Variants in ZFPM1 observed in about 807,000 individuals in gnomAD.
ZFPM1 encodes the protein zinc finger protein, FOG family member 1.
Under a neutral mutation model 46.3 loss-of-function variants are expected in ZFPM1, and 28 were observed. That is an observed-to-expected ratio of 0.60 (90% CI 0.45 to 0.83). The LOEUF is 0.83. Among genes scored for constraint, ZFPM1 ranks in the 40% least tolerant of loss-of-function variants. The probability of loss-of-function intolerance (pLI) is 0.00; values close to 1 mark genes in which losing one functional copy is unlikely to be tolerated. For missense variants in ZFPM1, 1,878 were observed against 1,432.4 expected, an observed-to-expected ratio of 1.31 and a Z score of -5.02; for synonymous variants, 957 against 675.9, an observed-to-expected ratio of 1.42 and a Z score of -6.45.
intron 4 of ZFPM1, among the ~76,000 whole-genome samples, chr16:88,515,098 T>C (rs945124546): frequency 2.6e-5 from 4 of 152,230 alleles, no homozygotes; most frequent in African/African-American, 4.8e-5. Flanking sequence ...CTCCAACTTA[T>C]GACAAGTCAG....
chr16:88,501,486 G>A (rs71372768), intron 3 of ZFPM1, among the ~76,000 whole-genome samples: 4 of 131,108 alleles, frequency 3.1e-5, no homozygotes, highest in South Asian at 2.4e-4. Context: ...ACATGGGTGC[G>A]TGGGCCCTCC....
At chr16:88,532,270 G>A in intron 7 of ZFPM1, 35 bp downstream of exon 7, 2 of 1,545,508 alleles carry the variant, frequency 1.3e-6, no homozygotes, top group South Asian at 1.2e-5. Flanking sequence ...TCCTCAGGAT[G>A]CCGGCTGCTT....
At chr16:88,505,085 G>A (rs369695230) in intron 3 of ZFPM1, among the ~76,000 whole-genome samples, 1 of 152,272 alleles carries the variant, frequency 6.6e-6, no homozygotes, top group Non-Finnish European at 1.5e-5. Flanking sequence ...GCGATAGGAA[G>A]ACAAGTTCAC....
At chr16:88,527,069 G>C (rs376862888) in intron 5 of ZFPM1, among the ~76,000 whole-genome samples, 153 bp downstream of exon 5, 1 of 152,196 alleles carries the variant, frequency 6.6e-6, no homozygotes. Flanking sequence ...GCATGAGGCA[G>C]ACACTCTACT....
chr16:88,494,553 CAG>C (rs1199922584), intron 3 of ZFPM1, among the ~76,000 whole-genome samples: 3 of 152,160 alleles, frequency 2.0e-5, no homozygotes, highest in Non-Finnish European at 1.5e-5. Flanking sequence ...GAGGGGGAAA[CAG>C]GGAGGGGGCT....
chr16:88,505,870 G>A (rs957854329), intron 3 of ZFPM1, among the ~76,000 whole-genome samples: 1 of 152,132 alleles, frequency 6.6e-6, no homozygotes, highest in African/African-American at 2.4e-5. Context: ...GCCGCCGGCA[G>A]GGCCCCCCCA....
At chr16:88,510,551 G>A (rs1175138983) in intron 3 of ZFPM1, among the ~76,000 whole-genome samples, 1 of 152,232 alleles carries the variant, frequency 6.6e-6, no homozygotes, top group Non-Finnish European at 1.5e-5. Context: ...TTCTGGAAAT[G>A]GCGTGTGCAG....
chr16:88,496,046 G>A (rs1909913190), intron 3 of ZFPM1, among the ~76,000 whole-genome samples: 1 of 152,116 alleles, frequency 6.6e-6, no homozygotes. Flanking sequence ...TGGCCCCACG[G>A]CCATCCTTGG....
chr16:88,482,751 G>A (rs950749902), intron 1 of ZFPM1, among the ~76,000 whole-genome samples: 2 of 152,228 alleles, frequency 1.3e-5, no homozygotes, highest in Non-Finnish European at 2.9e-5. Context: ...CTCAGCAGGA[G>A]GAAGCACAGC....
intron 1 of ZFPM1, among the ~76,000 whole-genome samples, chr16:88,484,076 C>G (rs956002349): frequency 2.0e-5 from 3 of 152,244 alleles, no homozygotes; most frequent in African/African-American, 7.2e-5. Context: ...AGCCCATCTC[C>G]CTCCCATCTT....
At chr16:88,513,639 T>G (rs1223935867) in intron 3 of ZFPM1, among the ~76,000 whole-genome samples, 1 of 152,198 alleles carries the variant, frequency 6.6e-6, no homozygotes, top group Non-Finnish European at 1.5e-5. Context: ...GAGGGCCAGG[T>G]GTGGCCAGGT....
chr16:88,455,583 C>T (rs1036185785), intron 1 of ZFPM1, among the ~76,000 whole-genome samples: 1 of 142,906 alleles, frequency 7.0e-6, no homozygotes. Flanking sequence ...TGCGGCCGGG[C>T]CGCGAGTGCA....
At chr16:88,529,156 G>A (rs897002571) in intron 6 of ZFPM1, among the ~76,000 whole-genome samples, 11 of 151,528 alleles carry the variant, frequency 7.3e-5, no homozygotes, top group Admixed American at 3.3e-4. Flanking sequence ...GGTGCGCCCC[G>A]TGCACCTCTG....
At chr16:88,468,216 C>T (rs1908244252) in intron 1 of ZFPM1, among the ~76,000 whole-genome samples, 2 of 150,946 alleles carry the variant, frequency 1.3e-5, no homozygotes, top group South Asian at 4.2e-4. Context: ...ACCCGCGAGC[C>T]CACCGCCCCT....
chr16:88,485,340 T>G (rs1052907077), intron 1 of ZFPM1, among the ~76,000 whole-genome samples: 2 of 150,974 alleles, frequency 1.3e-5, no homozygotes, highest in African/African-American at 4.9e-5. Context: ...TCCGTGGGCG[T>G]GGTGGAGGCC....
At position 88,461,080 on chromosome 16, in the gene ZFPM1, T is replaced by TCTGGTGAGGACCAAGGGGCAGGAGGCC. The variant is rs1350052174; in HGVS notation, c.40+7415_40+7441dup. 6.8e-5 allele frequency among the ~76,000 whole-genome samples: 4 copies of TCTGGTGAGGACCAAGGGGCAGGAGGCC among 59,054 alleles called. No individual in the cohort carries two copies. The East Asian group carries it at 1.6e-3, about 23-fold the overall frequency. The allele number at this position is 59,054 out of a possible 152,430, so 38.7% of individuals were successfully genotyped here. On this transcript the variant is annotated intron_variant, in intron 1 of 9. Transcript: ENST00000319555. Reference sequence around the variant, plus strand: ...CTGGTGAGGACCCAGGGGCAGAAGGTCTGGTGAGGACCAAGGGGCAGGAGG... The same window carrying TCTGGTGAGGACCAAGGGGCAGGAGGCC: ...CTGGTGAGGACCCAGGGGCAGAAGGTCTGGTGAGGACCAAGGGGCAGGAGGCCCTGGTGAGGACCAAGGGGCAGGAGG...
chr16:88,524,764 T>C (rs1342579623), intron 4 of ZFPM1, among the ~76,000 whole-genome samples: 2 of 152,210 alleles, frequency 1.3e-5, no homozygotes, highest in Non-Finnish European at 2.9e-5. Context: ...AGGCTAATGG[T>C]GGGCTTCGGG....
chr16:88,507,521 G>A lies in ZFPM1; in HGVS notation c.269-6866G>A, dbSNP rs543262292. 4.6e-5 allele frequency among the ~76,000 whole-genome samples: 7 copies of A among 152,370 alleles called. No homozygotes were observed. In the East Asian group the frequency reaches 1.3e-3, roughly 29 times the overall value. ...TCCTAGACCTGGGCTGCCTGGGTGT[G>A]TCAGCCTTCTCCATGCCCTGGCAGG... is the stretch of plus-strand genomic sequence containing the variant. On this transcript the variant is annotated intron_variant, in intron 3 of 9. Coordinates refer to ENST00000319555, the MANE Select transcript of ZFPM1 (RefSeq NM_153813.3).
At chr16:88,520,816 G>C in intron 4 of ZFPM1, among the ~76,000 whole-genome samples, 1 of 102,584 alleles carries the variant, frequency 9.7e-6, no homozygotes, top group African/African-American at 4.0e-5. Context: ...TGGGTGGATG[G>C]ATGGATGGAT....
Sources: gnomAD v4.1 joint callset for allele counts (sites outside exome capture counted in the v4.1 genomes callset) on GRCh38, gnomAD v4.1.1 for gene constraint, MANE v1.5 for transcripts, NCBI Gene and HGNC (gene_info 2026-07-23, HGNC 2026-07-21) for gene names.